SLC16A14: variants seen among roughly 807,000 people sequenced by gnomAD.
SLC16A14 encodes monocarboxylate transporter 14.
Under a neutral mutation model 35.8 loss-of-function variants are expected in SLC16A14, and 14 were observed. The ratio of observed to expected loss-of-function variants is 0.39; its 90% CI spans 0.26 to 0.61. The LOEUF (loss-of-function observed/expected upper bound fraction) is 0.61, where lower values mean the gene tolerates loss of function less well. Among genes scored for constraint, SLC16A14 ranks in the 20% least tolerant of loss-of-function variants. The pLI is 0.51. For synonymous variants in SLC16A14, 248 were observed against 258.9 expected, an observed-to-expected ratio of 0.96 and a Z score of 0.40; for missense variants, 533 against 655.0, an observed-to-expected ratio of 0.81 and a Z score of 2.03.
chr2:230,040,849 C>T (rs2077555522), intron 4 of SLC16A14, among the ~76,000 whole-genome samples: 1 of 152,104 alleles, frequency 6.6e-6, no homozygotes, highest in African/African-American at 2.4e-5. Context: ...GGATGTAAAG[C>T]AGGTCAAGAG....
rs151158882 is a variant in SLC16A14 at position 230,037,676 on chromosome 2, A to T, written c.1382-145T>A. 2.6e-3 allele frequency: 1,842 copies of T among 706,816 alleles called. 24 individuals are homozygous for T. In the African/African-American group the frequency reaches 0.03, roughly 11 times the overall value. The allele number at this position is 706,816 out of a possible 1,614,324, so 43.8% of individuals were successfully genotyped here. A position where few individuals can be genotyped will look rare whatever the true frequency, so the allele number is the denominator to read the frequency against. ...TACCAATAAAATGTTTCATTTATCC[A>T]TTTCTTTTCCTTTTTTTTTTTGTTT... On this transcript the variant is annotated intron_variant, in intron 4 of 4. Coordinates refer to ENST00000295190, the MANE Select transcript of SLC16A14 (RefSeq NM_152527.5).
Position 230,059,154 on chromosome 2 carries a change from GGTGGAATTCTTCCAGCCATTCC to G in SLC16A14, c.177_198del (p.Glu60ArgfsTer5). On this transcript the variant is annotated frameshift_variant, in exon 2 of 5. Coordinates refer to ENST00000295190, the MANE Select transcript of SLC16A14 (RefSeq NM_152527.5). LOFTEE classifies it high-confidence loss of function. ...ACCCAGGCGGTCAGGCCGCGGCTCT[GGTGGAATTCTTCCAGCCATTCC>G]ACGTTGAGGACACCCAGGGCCATCT... is the stretch of plus-strand genomic sequence containing the variant. 1 of 1,614,172 alleles carries G rather than the reference GGTGGAATTCTTCCAGCCATTCC, an allele frequency of 6.2e-7. No homozygotes were observed. Among genetic ancestry groups the G allele is most frequent in the Non-Finnish European group, 8.5e-7 (1 of 1,180,038 alleles).
rs752143850 is a variant in SLC16A14 at position 230,059,086 on chromosome 2, G to T, written c.259+8C>A. On this transcript the variant is annotated splice_region_variant and intron_variant, in intron 2 of 4. Coordinates refer to ENST00000295190, the MANE Select transcript of SLC16A14 (RefSeq NM_152527.5). ...TTCAGTTTTACGACAGGTCACACAT[G>T]AACATACCCACTATCAAGGTGATGC... The T allele has an allele frequency of 5.6e-6, 9 of 1,599,842 alleles. No homozygotes were observed. The highest frequency in any genetic ancestry group is 1.7e-4 in the Middle Eastern group (1 of 5,968).
At chr2:230,064,945 G>A (rs10933312) in intron 1 of SLC16A14, among the ~76,000 whole-genome samples, 32,773 of 152,046 alleles carry the variant, frequency 0.22, 3,867 homozygotes, top group East Asian at 0.49. Context: ...GGGAAGCAGA[G>A]GTTGCAGTGA....
intron 4 of SLC16A14, among the ~76,000 whole-genome samples, chr2:230,037,763 G>A (rs975918286): frequency 6.6e-6 from 1 of 151,288 alleles, no homozygotes; most frequent in South Asian, 2.1e-4. Flanking sequence ...AGTGTTCCCC[G>A]TGCCTACGGA....
intron 1 of SLC16A14, among the ~76,000 whole-genome samples, chr2:230,066,163 G>A (rs1438834547): frequency 6.6e-6 from 1 of 152,138 alleles, no homozygotes; most frequent in Non-Finnish European, 1.5e-5. Flanking sequence ...AAATTAGCCA[G>A]TGTGGTGGTG....
Position 230,045,823 on chromosome 2 carries a change from T to G in SLC16A14, c.1303A>C (p.Ile435Leu), listed in dbSNP as rs1283404037. Residue 435 changes from isoleucine (I) to leucine (L), a missense_variant, in exon 4 of 5, where the codon ATT (isoleucine) becomes CTT (leucine). By Grantham distance (5) the Ile-to-Leu change is conservative. Coordinates refer to ENST00000295190, the MANE Select transcript of SLC16A14 (RefSeq NM_152527.5). ...CCGTAGGCATTGGCCAGGTGTTCAA[T>G]GCCAACCAAGTCTTCAGTCACTACG... ...MPVVTEDLVGIEHLANAYGII... is the reference protein window; with the variant it reads ...MPVVTEDLVGLEHLANAYGII... The G allele has an allele frequency of 6.2e-7, 1 of 1,614,192 alleles. No individual in the cohort carries two copies. The highest frequency in any genetic ancestry group is 8.5e-7 in the Non-Finnish European group (1 of 1,180,042).
chr2:230,063,156 A>T (rs1302781186), intron 1 of SLC16A14, among the ~76,000 whole-genome samples: 1 of 151,980 alleles, frequency 6.6e-6, no homozygotes, highest in Non-Finnish European at 1.5e-5. Context: ...GCATGGTGGC[A>T]GGTGCCTAAA....
intron 4 of SLC16A14, among the ~76,000 whole-genome samples, chr2:230,044,477 CAAA>C (rs34590061): frequency 2.2e-5 from 3 of 134,524 alleles, no homozygotes; most frequent in Non-Finnish European, 3.2e-5. Flanking sequence ...GATTCCGTCT[CAAA>C]AAAAAAAAAA....
At chr2:230,048,927 A>AC (rs1365815808) in intron 3 of SLC16A14, among the ~76,000 whole-genome samples, 9 of 127,254 alleles carry the variant, frequency 7.1e-5, no homozygotes, top group Non-Finnish European at 1.3e-4. Context: ...CCATCTCAAA[A>AC]AAAAAAAAAA....
In SLC16A14 at chr2:230,038,484, A is replaced by G. The variant is rs1364994832; in HGVS notation, c.1382-953T>C. Among the ~76,000 whole-genome samples the G allele has an allele frequency of 6.6e-6, 1 of 152,244 alleles. No homozygotes were observed. Among genetic ancestry groups the G allele is most frequent in the East Asian group, 1.9e-4 (1 of 5,206 alleles). On this transcript the variant is annotated intron_variant, in intron 4 of 4. Transcript: ENST00000295190. This position sits in a 1 kb window ranked among gnomAD's most constrained non-coding sequence, Gnocchi z 4.4. ...GGATCACAAGTCATGGTTCCCACAT[A>G]GTCAACTACGCAAACTGAGAGGATT...
intron 1 of SLC16A14, among the ~76,000 whole-genome samples, chr2:230,065,265 T>TC (rs1485919391): frequency 6.7e-6 from 1 of 149,020 alleles, no homozygotes; most frequent in Non-Finnish European, 1.5e-5. Context: ...AAAAAGTTCT[T>TC]TTTTTTTTTG....
chr2:230,046,966 C>T lies in SLC16A14; in HGVS notation c.404-244G>A, dbSNP rs1263289184. 6.6e-6 allele frequency among the ~76,000 whole-genome samples: 1 copy of T among 152,168 alleles called. No individual in the cohort carries two copies. The highest frequency in any genetic ancestry group is 1.5e-5 in the Non-Finnish European group (1 of 68,040). ...ACAGGCTTTGCTGCACAAGTTCCTC[C>T]AATAACAAAATGGAGCAGCATTCTC... On this transcript the variant is annotated intron_variant, in intron 3 of 4. Coordinates refer to ENST00000295190, the MANE Select transcript of SLC16A14 (RefSeq NM_152527.5). This position sits in a 1 kb window ranked among gnomAD's most constrained non-coding sequence, Gnocchi z 5.0.
chr2:230,065,488 C>T (rs1224590946), intron 1 of SLC16A14, among the ~76,000 whole-genome samples: 3 of 152,186 alleles, frequency 2.0e-5, no homozygotes, highest in African/African-American at 4.8e-5. Flanking sequence ...CTCCTAACCT[C>T]AAGTGATCCA....
chr2:230,047,033 T>C (rs984260599), intron 3 of SLC16A14, among the ~76,000 whole-genome samples: 1 of 152,110 alleles, frequency 6.6e-6, no homozygotes, highest in Admixed American at 6.5e-5. Context: ...GGCAGGACCA[T>C]GTATTTTCAC....
At chr2:230,058,852 C>T (rs571266910) in intron 2 of SLC16A14, among the ~76,000 whole-genome samples, 29 of 152,246 alleles carry the variant, frequency 1.9e-4, no homozygotes, top group Admixed American at 1.2e-3. Context: ...AGGCTGATCT[C>T]GAACATCCGA....
At chr2:230,053,124 G>C (rs879418304) in intron 2 of SLC16A14, among the ~76,000 whole-genome samples, 2 of 152,018 alleles carry the variant, frequency 1.3e-5, no homozygotes, top group Non-Finnish European at 1.5e-5. Flanking sequence ...TGTATTTTTA[G>C]TAGAGACAGG....
In SLC16A14 at chr2:230,037,460, T is replaced by C; in HGVS notation, c.1453A>G (p.Ile485Val). 1 of 1,613,106 alleles carries C rather than the reference T, an allele frequency of 6.2e-7. No individual in the cohort carries two copies. The highest frequency in any genetic ancestry group is 2.2e-5 in the East Asian group (1 of 44,836). Reference sequence around the variant, plus strand: ...CACGGCTGAATAAGTAAAAAGAGTATTCCTATCATGTAAAGCAAACCACAT... The same window carrying C: ...CACGGCTGAATAAGTAAAAAGAGTACTCCTATCATGTAAAGCAAACCACAT... ...YICGLLYMIG[I>V]LFLLIQPCIR... Residue 485 changes from isoleucine to valine, a missense_variant, in exon 5 of 5, where the codon ATA becomes GTA. Physicochemically the swap from Ile to Val is conservative, Grantham distance 29. Coordinates refer to ENST00000295190, the MANE Select transcript of SLC16A14 (RefSeq NM_152527.5).
Position 230,037,449 on chromosome 2 carries a change from TAA to T in SLC16A14, c.1462_1463del (p.Leu488ThrfsTer45). ...GLLYMIGILF[L>X]LIQPCIRIIE... ...TAATTCGAATGCACGGCTGAATAAGTAAAAAGAGTATTCCTATCATGTAAAGC... is the reference window on the plus strand; with the variant it reads ...TAATTCGAATGCACGGCTGAATAAGTAAAGAGTATTCCTATCATGTAAAGC... On this transcript the variant is annotated frameshift_variant, in exon 5 of 5. Transcript: ENST00000295190. LOFTEE classifies it high-confidence loss of function. 1 of 1,612,606 alleles carries T rather than the reference TAA, an allele frequency of 6.2e-7. No individual in the cohort carries two copies. The highest frequency in any genetic ancestry group is 8.5e-7 in the Non-Finnish European group (1 of 1,179,642).
Sources: gnomAD v4.1 joint callset for allele counts (sites outside exome capture counted in the v4.1 genomes callset) on GRCh38, gnomAD v4.1.1 for gene constraint, Gnocchi (gnomAD v3.1) non-coding constraint, MANE v1.5 for transcripts, NCBI Gene and HGNC (gene_info 2026-07-23, HGNC 2026-07-21) for gene names.